Variants in GRIK3 observed in about 807,000 individuals in gnomAD.
GRIK3 encodes the protein glutamate ionotropic receptor kainate type subunit 3.
GRIK3 carries 29 observed loss-of-function variants against 102.5 expected under a neutral mutation model. That is an observed-to-expected ratio of 0.28 (90% CI 0.21 to 0.39). The LOEUF is 0.39. GRIK3 is among the 10% of genes least tolerant of loss of function. GRIK3 has a pLI of 1.00. For missense variants in GRIK3, 908 were observed against 1,252.4 expected, an observed-to-expected ratio of 0.73 and a Z score of 4.15; for synonymous variants, 511 against 504.9, an observed-to-expected ratio of 1.01 and a Z score of -0.16.
intron 1 of GRIK3, among the ~76,000 whole-genome samples, chr1:36,908,778 GGTGTGTGTGTGTGTGTGT>G (rs56228690): frequency 6.8e-6 from 1 of 147,004 alleles, no homozygotes; most frequent in East Asian, 2.0e-4. Context: ...AATGGGATAG[GGTGTGTGTGTGTGTGTGT>G]GTGTGTGTGT....
At chr1:36,869,468 G>C (rs1357122701) in intron 5 of GRIK3, among the ~76,000 whole-genome samples, 1 of 152,196 alleles carries the variant, frequency 6.6e-6, no homozygotes, top group African/African-American at 2.4e-5. Context: ...AGAAACTGAG[G>C]CAGGGAGGTT....
At chr1:36,948,800 C>A (rs1395615874) in intron 1 of GRIK3, among the ~76,000 whole-genome samples, 1 of 152,142 alleles carries the variant, frequency 6.6e-6, no homozygotes, top group Non-Finnish European at 1.5e-5. Context: ...GCCCTCCAGC[C>A]CTCCAGCCCA....
chr1:36,900,714 CA>C (rs1641224621), intron 1 of GRIK3, among the ~76,000 whole-genome samples: 1 of 151,954 alleles, frequency 6.6e-6, no homozygotes, highest in Non-Finnish European at 1.5e-5. Context: ...GATCTGAAAT[CA>C]ATGAAACTGA....
intron 1 of GRIK3, among the ~76,000 whole-genome samples, chr1:36,954,257 T>C (rs1231427909): frequency 4.6e-5 from 7 of 152,192 alleles, no homozygotes; most frequent in Non-Finnish European, 1.0e-4. Flanking sequence ...CTCCAGGATC[T>C]TGCCACTGCA....
At chr1:37,016,377 G>C (rs1177549682) in intron 1 of GRIK3, among the ~76,000 whole-genome samples, 2 of 152,070 alleles carry the variant, frequency 1.3e-5, no homozygotes, top group African/African-American at 4.8e-5. Flanking sequence ...CTCACCTTAG[G>C]GTTAAATGAG....
intron 5 of GRIK3, among the ~76,000 whole-genome samples, chr1:36,866,629 G>C (rs1181417538): frequency 6.6e-6 from 1 of 152,190 alleles, no homozygotes; most frequent in Non-Finnish European, 1.5e-5. Context: ...AATGCACTCA[G>C]CGTAACAATC....
At chr1:36,961,971 C>T (rs1412080572) in intron 1 of GRIK3, among the ~76,000 whole-genome samples, 1 of 152,160 alleles carries the variant, frequency 6.6e-6, no homozygotes, top group Non-Finnish European at 1.5e-5. Flanking sequence ...GGTCTAAGAG[C>T]CAGAGTCCAG....
chr1:36,974,339 T>C (rs751734561), intron 1 of GRIK3, among the ~76,000 whole-genome samples: 17 of 152,252 alleles, frequency 1.1e-4, no homozygotes, highest in Non-Finnish European at 2.1e-4. Flanking sequence ...ATTAGTTATG[T>C]ACCTATGGGT....
chr1:36,830,369 C>T (rs1179389647), intron 10 of GRIK3, among the ~76,000 whole-genome samples: 1 of 151,974 alleles, frequency 6.6e-6, no homozygotes, highest in South Asian at 2.1e-4. Context: ...CCCCCCCACC[C>T]CCAATTATGT....
chr1:36,976,201 A>G (rs1158202233), intron 1 of GRIK3, among the ~76,000 whole-genome samples: 1 of 152,140 alleles, frequency 6.6e-6, no homozygotes, highest in Non-Finnish European at 1.5e-5. Flanking sequence ...AACCTCAGGC[A>G]TTTGAGTGAA....
At chr1:36,931,721 T>C (rs2124314319) in intron 1 of GRIK3, among the ~76,000 whole-genome samples, 1 of 152,312 alleles carries the variant, frequency 6.6e-6, no homozygotes, top group South Asian at 2.1e-4. Flanking sequence ...CAGGACTAGA[T>C]GAGAGCTTCT....
chr1:36,821,808 G>A (rs973168532), intron 11 of GRIK3, among the ~76,000 whole-genome samples: 2 of 152,204 alleles, frequency 1.3e-5, no homozygotes, highest in Admixed American at 6.5e-5. Context: ...ACCCACCTCT[G>A]AACAACCTGG....
intron 1 of GRIK3, among the ~76,000 whole-genome samples, chr1:36,961,801 G>A (rs1642013260): frequency 6.6e-6 from 1 of 152,230 alleles, no homozygotes; most frequent in African/African-American, 2.4e-5. Context: ...ACCTTATCAA[G>A]AGCCCAGAAT....
At chr1:36,868,807 C>T (rs1319214731) in intron 5 of GRIK3, among the ~76,000 whole-genome samples, 1 of 152,222 alleles carries the variant, frequency 6.6e-6, no homozygotes, top group Non-Finnish European at 1.5e-5. Flanking sequence ...TTCTGTAAGA[C>T]TGCCTCAAAC....
intron 1 of GRIK3, among the ~76,000 whole-genome samples, chr1:36,990,659 A>C (rs1056359225): frequency 1.3e-5 from 2 of 152,184 alleles, no homozygotes; most frequent in Non-Finnish European, 2.9e-5. Context: ...CTGATGACAA[A>C]TGAAGGCATT....
intron 1 of GRIK3, among the ~76,000 whole-genome samples, chr1:36,994,310 C>T (rs1180479828): frequency 1.3e-5 from 2 of 152,224 alleles, no homozygotes; most frequent in African/African-American, 2.4e-5. Flanking sequence ...AAGAGCTTCA[C>T]ACGCTACCTG....
intron 1 of GRIK3, among the ~76,000 whole-genome samples, chr1:36,896,555 A>G (rs1208682672): frequency 6.6e-6 from 1 of 152,192 alleles, no homozygotes; most frequent in Non-Finnish European, 1.5e-5. Flanking sequence ...AATATGCTCA[A>G]TTAAAATCAT....
chr1:36,863,992 C>G (rs1640755753), intron 5 of GRIK3, among the ~76,000 whole-genome samples: 1 of 152,174 alleles, frequency 6.6e-6, no homozygotes, highest in Non-Finnish European at 1.5e-5. Flanking sequence ...GTGCAAAAGT[C>G]ATTGTGGTTT....
At chr1:36,993,188 C>A (rs1642380933) in intron 1 of GRIK3, among the ~76,000 whole-genome samples, 1 of 152,104 alleles carries the variant, frequency 6.6e-6, no homozygotes, top group Non-Finnish European at 1.5e-5. Flanking sequence ...AGTGCTGGGA[C>A]CTGATGCAAG....
Sources: allele counts gnomAD v4.1 joint callset (sites outside exome capture counted in the v4.1 genomes callset), GRCh38; gene constraint gnomAD v4.1.1; transcripts MANE v1.5; gene names NCBI Gene and HGNC (gene_info 2026-07-23, HGNC 2026-07-21).